SLC14A2: variants seen among roughly 807,000 people sequenced by gnomAD.
The protein encoded by SLC14A2 is urea transporter 2.
In SLC14A2, 91 loss-of-function variants were observed where a neutral mutation model predicts 104.6. That is an observed-to-expected ratio of 0.87 (90% confidence interval 0.73 to 1.04). SLC14A2 has a LOEUF of 1.04. Ranked by LOEUF, SLC14A2 falls within the 50% of genes least tolerant of loss-of-function variation. The pLI is 0.00. For missense variants in SLC14A2, 1,189 were observed against 1,156.0 expected (o/e 1.03, Z -0.41); for synonymous variants, 476 against 466.4 (o/e 1.02, Z -0.27).
chr18:45,291,000 C>G (rs984553685), intron 1 of SLC14A2, among the ~76,000 whole-genome samples: 2 of 152,092 alleles, frequency 1.3e-5, no homozygotes, highest in South Asian at 2.1e-4. Context: ...AGAAATGGTT[C>G]CCAGCGTCAT....
chr18:45,607,309 G>A (rs552002339), intron 2 of SLC14A2, among the ~76,000 whole-genome samples: 3 of 152,204 alleles, frequency 2.0e-5, no homozygotes, highest in South Asian at 2.1e-4. Flanking sequence ...CTGCAAAACT[G>A]TGAAACCAAC....
intron 1 of SLC14A2, among the ~76,000 whole-genome samples, chr18:45,354,663 A>C (rs568680954): frequency 6.6e-6 from 1 of 152,342 alleles, no homozygotes; most frequent in East Asian, 1.9e-4. Context: ...TGGCAAAGCC[A>C]CTGCTCTGGT....
intron 1 of SLC14A2, among the ~76,000 whole-genome samples, chr18:45,409,716 A>C (rs2086194435): frequency 6.6e-6 from 1 of 152,146 alleles, no homozygotes; most frequent in Admixed American, 6.6e-5. Context: ...CAAGTAAAAA[A>C]TGATTTGTGC....
At chr18:45,345,532 T>C (rs1411443628) in intron 1 of SLC14A2, among the ~76,000 whole-genome samples, 1 of 152,196 alleles carries the variant, frequency 6.6e-6, no homozygotes, top group Admixed American at 6.5e-5. Context: ...CCCTGATCTT[T>C]TTAGTCCTCA....
chr18:45,297,935 C>T (rs1038210176), intron 1 of SLC14A2, among the ~76,000 whole-genome samples: 1 of 152,240 alleles, frequency 6.6e-6, no homozygotes, highest in South Asian at 2.1e-4. Flanking sequence ...TAAAATGTGA[C>T]AAGCCACTCA....
chr18:45,470,245 G>C (rs565447903), intron 1 of SLC14A2, among the ~76,000 whole-genome samples: 16 of 152,236 alleles, frequency 1.1e-4, no homozygotes, highest in Non-Finnish European at 2.4e-4. Context: ...CAACCTGTCT[G>C]ATACATGCCT....
intron 1 of SLC14A2, among the ~76,000 whole-genome samples, chr18:45,269,942 T>G (rs1290426975): frequency 6.6e-6 from 1 of 152,258 alleles, no homozygotes; most frequent in Non-Finnish European, 1.5e-5. Flanking sequence ...TCTATTTAAC[T>G]TTTATATGAA....
chr18:45,369,151 C>A (rs1163612896), intron 1 of SLC14A2, among the ~76,000 whole-genome samples: 2 of 152,186 alleles, frequency 1.3e-5, no homozygotes, highest in Non-Finnish European at 2.9e-5. Context: ...CCTTTATGCA[C>A]CACTCACTAA....
At chr18:45,182,145 G>C in the SLC14A2 span, among the ~76,000 whole-genome samples, 2 of 151,832 alleles carry the variant, frequency 1.3e-5, no homozygotes, top group Admixed American at 1.3e-4. Context: ...AAAATAAAGA[G>C]AGTAAAATAG....
chr18:45,353,058 A>G (rs1044589377), intron 1 of SLC14A2, among the ~76,000 whole-genome samples: 1 of 152,218 alleles, frequency 6.6e-6, no homozygotes, highest in African/African-American at 2.4e-5. Context: ...TCAGCAGTCT[A>G]CGAGTGGTTG....
intron 1 of SLC14A2, among the ~76,000 whole-genome samples, chr18:45,278,379 A>G (rs536457436): frequency 6.6e-6 from 1 of 152,292 alleles, no homozygotes; most frequent in Admixed American, 6.5e-5. Flanking sequence ...TCTGGCTACC[A>G]GATGCCAATA....
intron 2 of SLC14A2, among the ~76,000 whole-genome samples, chr18:45,514,833 G>T (rs1416130625): frequency 6.6e-6 from 1 of 152,158 alleles, no homozygotes; most frequent in Non-Finnish European, 1.5e-5. Flanking sequence ...ACTGCACTGG[G>T]TGGCTATTAA....
chr18:45,276,003 C>A (rs965518255), intron 1 of SLC14A2, among the ~76,000 whole-genome samples: 1 of 152,208 alleles, frequency 6.6e-6, no homozygotes, highest in Non-Finnish European at 1.5e-5. Flanking sequence ...GAGCAGAGAT[C>A]TAAGTCAAAA....
rs138199926 is a variant in SLC14A2, at chr18:45,403,152, C to CT, written c.-124-80079dup. Reference sequence around the variant, plus strand: ...CCCTTCTCGGCTTTCAGATAGCTGCCTTCTCACCATGTCCTCGTATGTTCT... The same window carrying CT: ...CCCTTCTCGGCTTTCAGATAGCTGCCTTTCTCACCATGTCCTCGTATGTTCT... On this transcript the variant is annotated intron_variant, in intron 1 of 20. Coordinates refer to the SLC14A2 transcript ENST00000586448. Among the ~76,000 whole-genome samples, 523 of 152,296 alleles carry CT rather than the reference C, an allele frequency of 3.4e-3. 8 individuals are homozygous for CT. Among genetic ancestry groups the CT allele is most frequent in the African/African-American group, 0.012 (484 of 41,558 alleles).
chr18:45,631,079 C>A (rs1568305764), intron 4 of SLC14A2, among the ~76,000 whole-genome samples: 1 of 152,246 alleles, frequency 6.6e-6, no homozygotes, highest in Non-Finnish European at 1.5e-5. Flanking sequence ...TCCCTTCCTG[C>A]ATCTCAGGGA....
chr18:45,534,973 G>A (rs1038161601), intron 2 of SLC14A2, among the ~76,000 whole-genome samples: 1 of 152,298 alleles, frequency 6.6e-6, no homozygotes, highest in South Asian at 2.1e-4. Context: ...CAGGAAATGA[G>A]GCATTCTGGT....
intron 8 of SLC14A2, 119 bp downstream of exon 8, chr18:45,641,462 G>T: frequency 8.6e-7 from 1 of 1,169,520 alleles, no homozygotes; most frequent in Admixed American, 1.9e-5. Flanking sequence ...AAGGCCAATG[G>T]CTTGCGTCCT....
chr18:45,539,380 G>T (rs997378303), intron 2 of SLC14A2, among the ~76,000 whole-genome samples: 1 of 152,222 alleles, frequency 6.6e-6, no homozygotes, highest in African/African-American at 2.4e-5. Flanking sequence ...TGCCAGGACA[G>T]AGGATGCTCA....
intron 2 of SLC14A2, among the ~76,000 whole-genome samples, chr18:45,501,539 T>C (rs1256011930): frequency 1.3e-5 from 2 of 152,230 alleles, no homozygotes; most frequent in Admixed American, 1.3e-4. Flanking sequence ...TGTAGAGAAG[T>C]GTCATTGTCT....
Sources: gnomAD v4.1 joint callset for allele counts (sites outside exome capture counted in the v4.1 genomes callset) on GRCh38, gnomAD v4.1.1 for gene constraint, MANE v1.5 for transcripts, NCBI Gene and HGNC (gene_info 2026-07-23, HGNC 2026-07-21) for gene names.